The following UXS1 variants were observed in gnomAD, a reference collection of about 807,000 sequenced individuals.
The protein encoded by UXS1 is UDP-glucuronic acid decarboxylase 1.
In UXS1, 33 loss-of-function variants were observed where a neutral mutation model predicts 62.6. The observed-to-expected ratio is 0.53, with a 90% confidence interval of 0.40 to 0.70. The LOEUF is 0.70. UXS1 is among the 30% of genes least tolerant of loss of function. The pLI is 0.00. For synonymous variants in UXS1, 213 were observed against 206.8 expected, an observed-to-expected ratio of 1.03 and a Z score of -0.26; for missense variants, 434 against 556.3, an observed-to-expected ratio of 0.78 and a Z score of 2.21.
At chr2:106,160,849 C>T (rs1682844988) in intron 4 of UXS1, among the ~76,000 whole-genome samples, 1 of 152,206 alleles carries the variant, frequency 6.6e-6, no homozygotes, top group Non-Finnish European at 1.5e-5. Flanking sequence ...GGTTGAGTTT[C>T]TTGCTTTGTT....
intron 7 of UXS1, among the ~76,000 whole-genome samples, chr2:106,126,204 A>G (rs4851926): frequency 0.61 from 92,050 of 151,908 alleles, 28,151 homozygotes; most frequent in South Asian, 0.69. Context: ...ACATTCCTCA[A>G]TTCTGCTCTG....
intron 6 of UXS1, among the ~76,000 whole-genome samples, chr2:106,137,049 T>C (rs1406073932): frequency 9.5e-5 from 12 of 126,824 alleles, no homozygotes; most frequent in South Asian, 4.9e-4. Flanking sequence ...ATGGGAAGAA[T>C]AATCTTTTTG....
intron 1 of UXS1, among the ~76,000 whole-genome samples, chr2:106,190,092 G>T (rs1684818436): frequency 6.6e-6 from 1 of 152,212 alleles, no homozygotes; most frequent in African/African-American, 2.4e-5. Flanking sequence ...TGAACATCAT[G>T]GGGGAAGACG....
chr2:106,170,589 G>C (rs940286391), intron 1 of UXS1, among the ~76,000 whole-genome samples: 1 of 152,054 alleles, frequency 6.6e-6, no homozygotes, highest in Non-Finnish European at 1.5e-5. Context: ...AAGTGTTGTG[G>C]CCTCCTTTCA....
intron 10 of UXS1, among the ~76,000 whole-genome samples, chr2:106,105,712 A>C (rs1678003610): frequency 6.6e-6 from 1 of 152,216 alleles, no homozygotes; most frequent in East Asian, 1.9e-4. Context: ...GCATCTGCTG[A>C]ATGACCTGCG....
At chr2:106,151,107 C>T (rs1681978419) in intron 5 of UXS1, among the ~76,000 whole-genome samples, 1 of 152,186 alleles carries the variant, frequency 6.6e-6, no homozygotes, top group Non-Finnish European at 1.5e-5. Context: ...GTTTTGATTT[C>T]ACAGGCCCAT....
At chr2:106,139,466 G>C (rs1680924947) in intron 6 of UXS1, among the ~76,000 whole-genome samples, 1 of 152,024 alleles carries the variant, frequency 6.6e-6, no homozygotes, top group Admixed American at 6.6e-5. Flanking sequence ...AACCACAAAT[G>C]AACTCCCTAA....
intron 5 of UXS1, among the ~76,000 whole-genome samples, chr2:106,151,542 T>C (rs1198144920): frequency 6.6e-6 from 1 of 152,204 alleles, no homozygotes; most frequent in Non-Finnish European, 1.5e-5. Flanking sequence ...TGCCCCTTGA[T>C]ATTGCACTTG....
At chr2:106,194,118 C>T (rs1457710254) in intron 1 of UXS1, 30 bp downstream of exon 1, 2 of 1,450,936 alleles carry the variant, frequency 1.4e-6, no homozygotes, top group Non-Finnish European at 9.1e-7. Context: ...ATGAATGGGG[C>T]TCCCCAGCTG....
chr2:106,188,379 G>C (rs928192642), intron 1 of UXS1, among the ~76,000 whole-genome samples: 1 of 152,170 alleles, frequency 6.6e-6, no homozygotes, highest in African/African-American at 2.4e-5. Flanking sequence ...TCAAGAACTG[G>C]GCCAGGCCTG....
chr2:106,181,275 G>A (rs1380096617), intron 1 of UXS1, among the ~76,000 whole-genome samples: 1 of 152,170 alleles, frequency 6.6e-6, no homozygotes. Flanking sequence ...GGCTCAGGGC[G>A]GGGCTCTGGA....
At chr2:106,126,895 C>G (rs1680003563) in intron 7 of UXS1, among the ~76,000 whole-genome samples, 1 of 152,170 alleles carries the variant, frequency 6.6e-6, no homozygotes, top group Admixed American at 6.5e-5. Flanking sequence ...GGCCCTTCTA[C>G]AGCCTCTCCT....
chr2:106,120,897 G>T (rs550983104), intron 9 of UXS1, among the ~76,000 whole-genome samples: 2 of 152,312 alleles, frequency 1.3e-5, no homozygotes, highest in Admixed American at 1.3e-4. Context: ...TTCACGTCAG[G>T]GATGCTACCT....
Position 106,093,344 on chromosome 2 carries a change from T to G in UXS1, c.*682A>C, listed in dbSNP as rs565004183. ...TTCAATAATTTATTAAAATAGCATA[T>G]TTAACCATGGTTAACCAAGAATATG... On this transcript the variant is annotated 3_prime_UTR_variant, in exon 15 of 15. Coordinates refer to ENST00000283148, the MANE Select transcript of UXS1 (RefSeq NM_001253875.2). 2.9e-3 allele frequency: 439 copies of G among 152,402 alleles called. No individual in the cohort carries two copies. The highest frequency in any genetic ancestry group is 4.8e-3 in the Non-Finnish European group (326 of 68,036). The allele number at this position is 152,402 out of a possible 1,614,324, so 9.4% of individuals were successfully genotyped here.
chr2:106,124,843 T>A (rs1034468916), intron 8 of UXS1, among the ~76,000 whole-genome samples: 1 of 152,206 alleles, frequency 6.6e-6, no homozygotes, highest in Admixed American at 6.5e-5. Context: ...TTGCTATGAT[T>A]TTTTTCATTT....
intron 1 of UXS1, among the ~76,000 whole-genome samples, chr2:106,185,147 C>T (rs746783150): frequency 1.3e-5 from 2 of 152,168 alleles, no homozygotes; most frequent in Non-Finnish European, 2.9e-5. Context: ...CTTTCACCTT[C>T]AACTCCACTG....
At chr2:106,191,691 C>CTCT (rs1350522269) in intron 1 of UXS1, among the ~76,000 whole-genome samples, 2 of 152,244 alleles carry the variant, frequency 1.3e-5, no homozygotes, top group African/African-American at 4.8e-5. Flanking sequence ...ATACTGCCTG[C>CTCT]TCTTGGCTGC....
At chr2:106,131,046 C>T (rs1224074227) in intron 6 of UXS1, among the ~76,000 whole-genome samples, 19 of 150,302 alleles carry the variant, frequency 1.3e-4, no homozygotes, top group Non-Finnish European at 2.7e-4. Flanking sequence ...CCAGTGTGTG[C>T]GCGCACCGTG....
At chr2:106,146,593 A>C (rs1362978062) in intron 5 of UXS1, among the ~76,000 whole-genome samples, 1 of 151,826 alleles carries the variant, frequency 6.6e-6, no homozygotes, top group Non-Finnish European at 1.5e-5. Context: ...AGTCGGGCCA[A>C]CATGGTGAAA....
Sources: gnomAD v4.1 joint callset for allele counts (sites outside exome capture counted in the v4.1 genomes callset) on GRCh38, gnomAD v4.1.1 for gene constraint, MANE v1.5 for transcripts, NCBI Gene and HGNC (gene_info 2026-07-23, HGNC 2026-07-21) for gene names.